The following SYT16 variants were observed in gnomAD, a reference collection of about 807,000 sequenced individuals.
SYT16 encodes the protein synaptotagmin 16.
A neutral mutation model predicts 61.4 loss-of-function variants in SYT16; 42 were observed. The ratio of observed to expected loss-of-function variants is 0.68; its 90% CI spans 0.53 to 0.89. The LOEUF is 0.89. Among genes scored for constraint, SYT16 ranks in the 40% least tolerant of loss-of-function variants. The pLI is 0.00. For synonymous variants in SYT16, 314 were observed against 302.3 expected (o/e 1.04, Z -0.40); for missense variants, 804 against 807.3 (o/e 1.00, Z 0.05).
At chr14:61,848,378 G>T (rs1019484371) in intron 1 of SYT16, among the ~76,000 whole-genome samples, 1 of 152,108 alleles carries the variant, frequency 6.6e-6, no homozygotes, top group African/African-American at 2.4e-5. Flanking sequence ...GGATTACCAG[G>T]CAGAGACTCT....
At chr14:62,078,153 C>CTATATATATATATATATA (rs1437217028) in intron 5 of SYT16, among the ~76,000 whole-genome samples, 3 of 101,714 alleles carry the variant, frequency 2.9e-5, no homozygotes, top group African/African-American at 1.4e-4. Flanking sequence ...CTCTCTCTCT[C>CTATATATATATATATATA]TCTATATATA....
At chr14:61,958,097 A>G (rs1363073276) in intron 1 of SYT16, among the ~76,000 whole-genome samples, 1 of 151,698 alleles carries the variant, frequency 6.6e-6, no homozygotes, top group East Asian at 1.9e-4. Context: ...CATAATATTC[A>G]TTTATGATTC....
At chr14:61,910,743 G>A (rs2048903530) in intron 1 of SYT16, among the ~76,000 whole-genome samples, 1 of 152,094 alleles carries the variant, frequency 6.6e-6, no homozygotes. Flanking sequence ...TGGCCAGGCT[G>A]GTCTTGAACT....
chr14:61,902,804 G>A (rs971882192), intron 1 of SYT16, among the ~76,000 whole-genome samples: 4 of 152,230 alleles, frequency 2.6e-5, no homozygotes, highest in African/African-American at 9.6e-5. Flanking sequence ...GCAGCAGCAA[G>A]AGAGAATGAG....
intron 1 of SYT16, among the ~76,000 whole-genome samples, chr14:61,937,422 A>G (rs1041712219): frequency 1.3e-5 from 2 of 152,230 alleles, no homozygotes; most frequent in African/African-American, 2.4e-5. Flanking sequence ...AGTAAGGTAC[A>G]TAGGAGCTGT....
intron 1 of SYT16, among the ~76,000 whole-genome samples, chr14:61,918,546 A>G (rs1004198871): frequency 2.0e-5 from 3 of 152,202 alleles, no homozygotes; most frequent in Admixed American, 1.3e-4. Context: ...AGCCTGTAAG[A>G]ATTATATTTT....
chr14:62,029,064 A>G (rs1170102255), intron 3 of SYT16, among the ~76,000 whole-genome samples: 2 of 152,194 alleles, frequency 1.3e-5, no homozygotes, highest in African/African-American at 2.4e-5. Context: ...TTGCATAACT[A>G]CTTTTCATCT....
intron 1 of SYT16, among the ~76,000 whole-genome samples, chr14:61,842,511 C>CT (rs551837152): frequency 2.2e-4 from 33 of 152,246 alleles, no homozygotes; most frequent in African/African-American, 7.9e-4. Context: ...GGATCTCATT[C>CT]TTTTTTATGG....
At chr14:61,939,179 G>A (rs988855379) in intron 1 of SYT16, among the ~76,000 whole-genome samples, 1 of 151,992 alleles carries the variant, frequency 6.6e-6, no homozygotes, top group African/African-American at 2.4e-5. Context: ...CATGAACCAG[G>A]GCATTATGTG....
At chr14:61,909,029 G>C (rs539534326) in intron 1 of SYT16, among the ~76,000 whole-genome samples, 1 of 152,176 alleles carries the variant, frequency 6.6e-6, no homozygotes, top group Admixed American at 6.5e-5. Context: ...TCCCTGTATT[G>C]TCCAGGCTGG....
In SYT16 at chr14:61,957,321, A is replaced by C. The variant is rs562893742; in HGVS notation, c.-324-12811A>C. Among the ~76,000 whole-genome samples the C allele has an allele frequency of 2.4e-4, 37 of 151,704 alleles. 1 individual carries two copies. The South Asian group carries it at 7.5e-3, about 31-fold the overall frequency. On this transcript the variant is annotated intron_variant, in intron 1 of 7. Coordinates refer to ENST00000683842, the MANE Select transcript of SYT16 (RefSeq NM_001367656.1). The stretch of plus-strand genomic sequence containing the variant: ...GACTTTTATTTCTTTATCTTGCCTA[A>C]TTTTTCTGGTTAGGACTTTCAGGAC...
intron 1 of SYT16, among the ~76,000 whole-genome samples, chr14:61,858,700 T>C (rs547667979): frequency 5.3e-5 from 8 of 152,330 alleles, no homozygotes; most frequent in Admixed American, 3.9e-4. Context: ...CATAAGTTTC[T>C]TCTCAAGAAT....
chr14:62,105,589 A>G lies in SYT16; in HGVS notation c.*4882A>G, dbSNP rs556622553. The G allele has an allele frequency of 5.3e-5, 8 of 152,352 alleles. No homozygotes were observed. In the South Asian group the frequency reaches 6.2e-4, roughly 12 times the overall value. 9.4% of individuals were successfully genotyped at this position (152,352 alleles called of 1,614,324 possible). A position where few individuals can be genotyped will look rare whatever the true frequency, so the allele number is the denominator to read the frequency against. ...GAAATTCAGTTGATACTACTTTTTA[A>G]AATGGGTTTTAAGAGTGGCTTGTTG... On this transcript the variant is annotated 3_prime_UTR_variant, in exon 8 of 8. Coordinates refer to ENST00000683842, the MANE Select transcript of SYT16 (RefSeq NM_001367656.1).
In SYT16 at chr14:62,100,901, A is replaced by G. The variant is rs1046722782; in HGVS notation, c.*194A>G. ...AAATATTGTAATTTTAAAAACACAC[A>G]TACACAGTGAAGTGTCCGTATGGAA... On this transcript the variant is annotated 3_prime_UTR_variant, in exon 8 of 8. Coordinates refer to ENST00000683842, the MANE Select transcript of SYT16 (RefSeq NM_001367656.1). 1.7e-5 allele frequency: 10 copies of G among 590,850 alleles called. No homozygotes were observed. In the Admixed American group the frequency reaches 2.2e-4, roughly 13 times the overall value. The allele number at this position is 590,850 out of a possible 1,614,324, so 36.6% of individuals were successfully genotyped here. A position where few individuals can be genotyped will look rare whatever the true frequency, so the allele number is the denominator to read the frequency against.
At chr14:62,004,532 G>T (rs1261611712) in intron 3 of SYT16, among the ~76,000 whole-genome samples, 1 of 152,104 alleles carries the variant, frequency 6.6e-6, no homozygotes, top group East Asian at 1.9e-4. Flanking sequence ...TGATATAGAA[G>T]GATAACTTTA....
At chr14:61,950,196 A>G (rs1468379755) in intron 1 of SYT16, among the ~76,000 whole-genome samples, 2 of 152,156 alleles carry the variant, frequency 1.3e-5, no homozygotes, top group Non-Finnish European at 2.9e-5. Context: ...AAAGCCTCCA[A>G]CCTCTTTACA....
chr14:61,917,274 C>T (rs942736623), intron 1 of SYT16, among the ~76,000 whole-genome samples: 1 of 152,176 alleles, frequency 6.6e-6, no homozygotes, highest in African/African-American at 2.4e-5. Flanking sequence ...TATTTTCCTC[C>T]TGGTAATTGT....
intron 6 of SYT16, among the ~76,000 whole-genome samples, chr14:62,083,137 T>C (rs1408035154): frequency 1.0e-5 from 1 of 98,992 alleles, no homozygotes; most frequent in Non-Finnish European, 2.1e-5. Flanking sequence ...CTATGTTCCA[T>C]ACAGCCTCAG....
chr14:61,964,898 C>CTTT (rs377488291), intron 1 of SYT16, among the ~76,000 whole-genome samples: 2 of 143,292 alleles, frequency 1.4e-5, no homozygotes, highest in Non-Finnish European at 3.1e-5. Flanking sequence ...TGATTTTTAG[C>CTTT]TTTTTTTTTT....
Sources: allele counts gnomAD v4.1 joint callset (sites outside exome capture counted in the v4.1 genomes callset), GRCh38; gene constraint gnomAD v4.1.1; transcripts MANE v1.5; gene names NCBI Gene and HGNC (gene_info 2026-07-23, HGNC 2026-07-21).